Variants in PSMD12 observed in about 807,000 individuals in gnomAD.
The protein encoded by PSMD12 is 26S proteasome non-ATPase regulatory subunit 12.
Under a neutral mutation model 62.9 loss-of-function variants are expected in PSMD12, and 8 were observed. The observed-to-expected ratio is 0.13, with a 90% CI of 0.07 to 0.23. PSMD12 has a LOEUF of 0.23. Ranked by LOEUF, PSMD12 falls within the 10% of genes least tolerant of loss-of-function variation. PSMD12 has a pLI of 1.00. For missense variants in PSMD12, 424 were observed against 550.2 expected (o/e 0.77, Z 2.29); for synonymous variants, 173 against 187.4 (o/e 0.92, Z 0.63).
intron 3 of PSMD12, among the ~76,000 whole-genome samples, chr17:67,356,141 T>C (rs1237928532): frequency 1.3e-5 from 2 of 152,072 alleles, no homozygotes; most frequent in Non-Finnish European, 1.5e-5. Context: ...ACAATCTTAG[T>C]ATTTGTTTAA....
intron 1 of PSMD12, among the ~76,000 whole-genome samples, chr17:67,358,297 G>A (rs2042095719): frequency 1.3e-5 from 2 of 152,096 alleles, no homozygotes; most frequent in South Asian, 4.1e-4. Context: ...GCCAGGTGCA[G>A]TGGCTCATGC....
chr17:67,356,676 G>A (rs182250257), intron 3 of PSMD12, among the ~76,000 whole-genome samples: 53 of 146,684 alleles, frequency 3.6e-4, no homozygotes, highest in Middle Eastern at 3.6e-3. Context: ...TAAATAAAAT[G>A]AGAATATCAG....
intron 3 of PSMD12, 45 bp from the exon 4 acceptor site, chr17:67,350,381 G>A (rs748862951): frequency 7.1e-7 from 1 of 1,399,284 alleles, no homozygotes; most frequent in African/African-American, 1.5e-5. Flanking sequence ...ATTCCTCACA[G>A]AGCGAAAAAA....
intron 5 of PSMD12, 39 bp downstream of exon 5, chr17:67,348,511 A>C (rs778693803): frequency 2.0e-6 from 3 of 1,534,972 alleles, no homozygotes; most frequent in Non-Finnish European, 2.7e-6. Flanking sequence ...TGCTGCTGAC[A>C]AAACAAAGTT....
chr17:67,353,916 C>A (rs2143712837), intron 3 of PSMD12, among the ~76,000 whole-genome samples: 1 of 152,268 alleles, frequency 6.6e-6, no homozygotes, highest in South Asian at 2.1e-4. Context: ...ATCTATTACT[C>A]TTGTGTCACT....
At position 67,357,354 on chromosome 17, in the gene PSMD12, T is replaced by C. The variant is rs1348638207; in HGVS notation, c.246A>G (p.Leu82=). 6.2e-7 allele frequency: 1 copy of C among 1,613,742 alleles called. No individual in the cohort carries two copies. The highest frequency in any genetic ancestry group is 8.5e-7 in the Non-Finnish European group (1 of 1,179,838). The change falls in exon 3 of 11, where the codon TTA becomes TTG. Residue 82 remains leucine, a synonymous_variant. Transcript: ENST00000356126. ...KMCYEAKEWD[L]LNENIMLLSK... ...ACAAAAGCATAATATTTTCATTAAGTAAATCCCATTCTTTAGCCTCATAGC... is the reference window on the plus strand; with the variant it reads ...ACAAAAGCATAATATTTTCATTAAGCAAATCCCATTCTTTAGCCTCATAGC...
At chr17:67,359,659 C>T (rs988066158) in intron 1 of PSMD12, among the ~76,000 whole-genome samples, 12 of 152,122 alleles carry the variant, frequency 7.9e-5, no homozygotes, top group African/African-American at 2.4e-4. Context: ...ATCTTCCATG[C>T]GGCACAGCAT....
chr17:67,360,941 T>A (rs1192944390), intron 1 of PSMD12, among the ~76,000 whole-genome samples: 1 of 152,192 alleles, frequency 6.6e-6, no homozygotes, highest in African/African-American at 2.4e-5. Flanking sequence ...TTTCAAATCA[T>A]CCCCCTTTTT....
chr17:67,355,550 C>T (rs1232649938), intron 3 of PSMD12: 1 of 152,166 alleles, frequency 6.6e-6, no homozygotes, highest in Non-Finnish European at 1.5e-5. Flanking sequence ...TCCAGTAACA[C>T]TATATATCTA....
chr17:67,347,549 G>C, intron 5 of PSMD12, 64 bp from the exon 6 acceptor site: 1 of 1,434,732 alleles, frequency 7.0e-7, no homozygotes. Context: ...GCAATAAAAT[G>C]AAATAGATAT....
Position 67,347,256 on chromosome 17 carries a change from A to G in PSMD12, c.661-6T>C, listed in dbSNP as rs934555559. Reference sequence around the variant, plus strand: ...TAGTACTTCAACTTTAATTTCTGCAAAAAAGTTGACAAAACAAATTGGGGT... The same window carrying G: ...TAGTACTTCAACTTTAATTTCTGCAGAAAAGTTGACAAAACAAATTGGGGT... On this transcript the variant is annotated splice_polypyrimidine_tract_variant and splice_region_variant and intron_variant, in intron 6 of 10. Coordinates refer to ENST00000356126, the MANE Select transcript of PSMD12 (RefSeq NM_002816.5). 2.5e-6 allele frequency: 4 copies of G among 1,613,008 alleles called. No individual in the cohort carries two copies. Among genetic ancestry groups the G allele is most frequent in the East Asian group, 2.2e-5 (1 of 44,824 alleles).
chr17:67,366,069 G>A (rs1262658160), intron 1 of PSMD12, among the ~76,000 whole-genome samples: 1 of 152,160 alleles, frequency 6.6e-6, no homozygotes, highest in South Asian at 2.1e-4. Flanking sequence ...GAAACTCTCT[G>A]ATCTAGCCTT....
At position 67,361,904 on chromosome 17, in the gene PSMD12, AAAAAAGG is replaced by A. The variant is rs1567961734; in HGVS notation, c.109-4333_109-4327del. 5.6e-4 allele frequency among the ~76,000 whole-genome samples: 50 copies of A among 89,586 alleles called. 1 individual carries two copies. Among genetic ancestry groups the A allele is most frequent in the African/African-American group, 8.0e-4 (23 of 28,750 alleles). The allele number at this position is 89,586 out of a possible 152,430, so 58.8% of individuals were successfully genotyped here. ...AAAAAAAAAAAAAAAAAAAAAAAAA[AAAAAAGG>A]AAGGAAGGAAGGGAGGGAGGGAGGG... On this transcript the variant is annotated intron_variant, in intron 1 of 10. Coordinates refer to ENST00000356126, the MANE Select transcript of PSMD12 (RefSeq NM_002816.5).
intron 3 of PSMD12, among the ~76,000 whole-genome samples, chr17:67,355,979 C>G (rs1285514040): frequency 1.4e-5 from 1 of 73,476 alleles, no homozygotes; most frequent in Non-Finnish European, 3.1e-5. Context: ...TACACACACA[C>G]ACACACACAC....
rs771116120 is a variant in PSMD12, at chr17:67,362,878, C to T, written c.108+3534G>A. On this transcript the variant is annotated intron_variant, in intron 1 of 10. Transcript: ENST00000356126. Reference sequence around the variant, plus strand: ...GGTTGGTGTAAGATTTAAATCAATACCTATAAAGGCATGCCTGGAACACAG... The same window carrying T: ...GGTTGGTGTAAGATTTAAATCAATATCTATAAAGGCATGCCTGGAACACAG... The T allele has an allele frequency of 5.9e-5, 9 of 152,188 alleles. No individual in the cohort carries two copies. In the East Asian group the frequency reaches 1.7e-3, roughly 29 times the overall value. The allele number at this position is 152,188 out of a possible 1,614,324, so 9.4% of individuals were successfully genotyped here.
intron 3 of PSMD12, among the ~76,000 whole-genome samples, chr17:67,353,104 G>C (rs1017606564): frequency 3.3e-5 from 5 of 152,008 alleles, no homozygotes; most frequent in African/African-American, 1.2e-4. Context: ...ACATTAATAC[G>C]CTAACAATGC....
chr17:67,350,477 C>T (rs1404920414), intron 3 of PSMD12, 141 bp from the exon 4 acceptor site: 5 of 521,822 alleles, frequency 9.6e-6, no homozygotes, highest in Non-Finnish European at 1.3e-5. Context: ...AACATCACAT[C>T]GAAATCTCAC....
At chr17:67,344,466 C>CATA in intron 9 of PSMD12, 140 bp downstream of exon 9, 1 of 801,176 alleles carries the variant, frequency 1.2e-6, no homozygotes, top group Non-Finnish European at 1.9e-6. Context: ...GAATTAAACA[C>CATA]ATAACATCCT....
At chr17:67,359,223 C>T (rs1164783810) in intron 1 of PSMD12, among the ~76,000 whole-genome samples, 1 of 152,074 alleles carries the variant, frequency 6.6e-6, no homozygotes, top group Admixed American at 6.6e-5. Flanking sequence ...GGCAAGGTAG[C>T]CTGTGCCTGT....
Sources: gnomAD v4.1 joint callset for allele counts (sites outside exome capture counted in the v4.1 genomes callset) on GRCh38, gnomAD v4.1.1 for gene constraint, MANE v1.5 for transcripts, NCBI Gene and HGNC (gene_info 2026-07-23, HGNC 2026-07-21) for gene names.